HUWE1: variants seen among roughly 807,000 people sequenced by gnomAD.
HUWE1 encodes HECT, UBA and WWE domain containing E3 ubiquitin protein ligase 1, also known as E3 ubiquitin-protein ligase HUWE1.
In HUWE1, 18 loss-of-function variants were observed where a neutral mutation model predicts 299.4. The observed-to-expected ratio is 0.06, with a 90% CI of 0.04 to 0.09. The LOEUF (loss-of-function observed/expected upper bound fraction) is 0.09. Among genes scored for constraint, HUWE1 ranks in the 10% least tolerant of loss-of-function variants. The pLI, the probability that HUWE1 is intolerant of heterozygous loss-of-function variation, is 1.00. For missense variants in HUWE1, 1,832 were observed against 3,462.3 expected, an observed-to-expected ratio of 0.53 and a Z score of 11.82; for synonymous variants, 1,317 against 1,286.1, an observed-to-expected ratio of 1.02 and a Z score of -0.51.
intron 3 of HUWE1, among the ~76,000 whole-genome samples, chrX:53,660,703 C>A (rs1557044953): frequency 1.8e-5 from 2 of 111,818 alleles, no homozygotes; most frequent in Admixed American, 9.5e-5. Context: ...TCCACTAGGG[C>A]AGTCACATAG....
chrX:53,634,315 G>T lies in HUWE1; in HGVS notation c.505-17C>A, dbSNP rs782245748. 5.9e-6 allele frequency: 7 copies of T among 1,180,074 alleles called. No homozygotes were observed. The South Asian group carries it at 1.1e-4, about 18-fold the overall frequency. The stretch of plus-strand genomic sequence containing the variant: ...ACCCCAGCTCTTGAAAAAGGAAAAA[G>T]ATAGTGTTAAGACAGTGCTTATGGT... On this transcript the variant is annotated splice_polypyrimidine_tract_variant and intron_variant, in intron 7 of 83. Transcript: ENST00000262854.
chrX:53,534,244 G>A (rs1556909592), intron 82 of HUWE1, 47 bp from the exon 83 acceptor site: 2 of 1,072,073 alleles, frequency 1.9e-6, no homozygotes, highest in Admixed American at 2.2e-5. Context: ...AAAGCTCCTA[G>A]AAGCAGGGTG....
At chrX:53,574,030 T>C (rs989007239) in intron 46 of HUWE1, 66 bp from the exon 47 acceptor site, 74 of 936,097 alleles carry the variant, frequency 7.9e-5, no homozygotes, top group Non-Finnish European at 1.1e-4. Context: ...AAGTCTTAGG[T>C]GGAAAAGAAT....
At chrX:53,604,099 A>G (rs140078928) in intron 26 of HUWE1, among the ~76,000 whole-genome samples, 5 of 111,878 alleles carry the variant, frequency 4.5e-5, no homozygotes, top group Non-Finnish European at 7.5e-5. Flanking sequence ...TTGATACCAT[A>G]AATCTTTAGA....
At chrX:53,667,250 GAC>G (rs782007087) in intron 3 of HUWE1, among the ~76,000 whole-genome samples, 12 of 112,446 alleles carry the variant, frequency 1.1e-4, no homozygotes, top group East Asian at 5.6e-4. Flanking sequence ...AAGCAAAAGT[GAC>G]ACAGTTAGCC....
intron 47 of HUWE1, among the ~76,000 whole-genome samples, chrX:53,570,250 TAGCTG>T (rs1169834453): frequency 2.7e-5 from 3 of 112,736 alleles, no homozygotes; most frequent in Non-Finnish European, 3.7e-5. Flanking sequence ...GCCTTCCAAG[TAGCTG>T]AGACTACAGG....
chrX:53,546,230 C>T (rs2061535740), intron 70 of HUWE1, among the ~76,000 whole-genome samples: 1 of 111,055 alleles, frequency 9.0e-6, no homozygotes, highest in Admixed American at 9.6e-5. Flanking sequence ...AGGAGACAAA[C>T]CCAGCCTTGC....
At chrX:53,625,303 A>T in intron 17 of HUWE1, 45 bp from the exon 18 acceptor site, 4 of 896,186 alleles carry the variant, frequency 4.5e-6, no homozygotes, top group Non-Finnish European at 6.6e-6. Flanking sequence ...GTTCGCCATT[A>T]AACCACAATG....
intron 60 of HUWE1, chrX:53,556,433 C>T (rs1234073062): frequency 5.7e-5 from 18 of 316,801 alleles, no homozygotes; most frequent in Non-Finnish European, 1.0e-4. Flanking sequence ...GGCATCTACC[C>T]TACTTCACTG....
intron 72 of HUWE1, among the ~76,000 whole-genome samples, chrX:53,544,314 C>T (rs1376029924): frequency 8.9e-6 from 1 of 112,109 alleles, no homozygotes; most frequent in Admixed American, 9.4e-5. Flanking sequence ...CAGCAAAAGG[C>T]TGGCCCCCAA....
Position 53,646,130 on chromosome X carries a change from A to T in HUWE1, c.352-667T>A, listed in dbSNP as rs185607329. Among the ~76,000 whole-genome samples the T allele has an allele frequency of 2.8e-3, 311 of 110,926 alleles. 1 individual carries two copies. The highest frequency in any genetic ancestry group is 6.4e-3 in the Admixed American group (67 of 10,459). On this transcript the variant is annotated intron_variant, in intron 6 of 83. Coordinates refer to ENST00000262854, the MANE Select transcript of HUWE1 (RefSeq NM_031407.7). The stretch of plus-strand genomic sequence containing the variant: ...AAGTGTTACAGTACAGTATATGCTC[A>T]TAAGGAACCTGAGTGACTACTCTGG...
intron 25 of HUWE1, 112 bp from the exon 26 acceptor site, chrX:53,604,946 G>A (rs2065072098): frequency 6.5e-6 from 5 of 772,383 alleles, no homozygotes; most frequent in East Asian, 3.5e-5. Flanking sequence ...TCAGATTTTG[G>A]ATATGGCCAT....
chrX:53,683,275 G>T (rs1380765493), intron 2 of HUWE1, among the ~76,000 whole-genome samples: 1 of 111,109 alleles, frequency 9.0e-6, no homozygotes, highest in Non-Finnish European at 1.9e-5. Flanking sequence ...ATTAGGAGGG[G>T]TGTGGGGAGA....
intron 61 of HUWE1, 38 bp downstream of exon 61, chrX:53,554,595 C>A: frequency 8.4e-7 from 1 of 1,183,750 alleles, no homozygotes. Flanking sequence ...TTTCTTCCCT[C>A]TTGTTTCATC....
chrX:53,545,678 C>T (rs995933767), intron 70 of HUWE1, among the ~76,000 whole-genome samples: 1 of 111,697 alleles, frequency 9.0e-6, no homozygotes, highest in African/African-American at 3.3e-5. Flanking sequence ...AGGTCAGAGG[C>T]CAAATTCTTT....
Position 53,552,848 on chromosome X carries a change from G to A in HUWE1, c.8540C>T (p.Ala2847Val). Residue 2847 changes from alanine (A) to valine (V), a missense_variant, in exon 62 of 84, where the codon GCT (alanine) becomes GTT (valine). Transcript: ENST00000262854. ...ERAEDSDALT[A>V]VSSQLEGSPM... Reference sequence around the variant, plus strand: ...AGAGCCTTCTAGCTGACTGCTGACAGCCGTCAGTGCATCAGAATCCTCAGC... The same window carrying A: ...AGAGCCTTCTAGCTGACTGCTGACAACCGTCAGTGCATCAGAATCCTCAGC... 1 of 1,211,147 alleles carries A rather than the reference G, an allele frequency of 8.3e-7. No homozygotes were observed. Among genetic ancestry groups the A allele is most frequent in the Non-Finnish European group, 1.1e-6 (1 of 894,845 alleles).
intron 30 of HUWE1, among the ~76,000 whole-genome samples, 185 bp from the exon 31 acceptor site, chrX:53,594,806 T>C: frequency 8.9e-6 from 1 of 111,884 alleles, no homozygotes; most frequent in Non-Finnish European, 1.9e-5. Context: ...AAACTTCTGA[T>C]TGCTGACGTG....
chrX:53,549,625 T>G lies in HUWE1; in HGVS notation c.9489-120A>C, dbSNP rs2061681329. The G allele has an allele frequency of 2.8e-5, 17 of 603,290 alleles. No homozygotes were observed. In the South Asian group the frequency reaches 4.1e-4, roughly 15 times the overall value. 49.7% of individuals were successfully genotyped at this position (603,290 alleles called of 1,213,427 possible). ...CAAGGAGGCTTGAGAAAGGTGGGTG[T>G]CCAGTCCAAGGGCTCTTCATAGTAA... On this transcript the variant is annotated intron_variant, in intron 66 of 83. Transcript: ENST00000262854.
In HUWE1 at chrX:53,589,657, G is replaced by A; in HGVS notation, c.4351C>T (p.Leu1451Phe). The change falls in exon 36 of 84, where the codon CTT becomes TTT. Residue 1451 changes from leucine to phenylalanine, a missense_variant. By Grantham distance (22) the Leu-to-Phe change is conservative. Transcript: ENST00000262854. ...TATACTGTGTCTGGCAGCTCATCAAGAAGGTGGAAGCAGCCTGGCAACATA... is the reference window on the plus strand; with the variant it reads ...TATACTGTGTCTGGCAGCTCATCAAAAAGGTGGAAGCAGCCTGGCAACATA... ...DTMLPGCFHLLDELPDTVYRV... is the reference protein window; with the variant it reads ...DTMLPGCFHLFDELPDTVYRV... The A allele has an allele frequency of 2.5e-6, 3 of 1,211,693 alleles. No individual in the cohort carries two copies. Among genetic ancestry groups the A allele is most frequent in the Non-Finnish European group, 3.4e-6 (3 of 895,386 alleles).
Sources: allele counts gnomAD v4.1 joint callset (sites outside exome capture counted in the v4.1 genomes callset), GRCh38; gene constraint gnomAD v4.1.1; transcripts MANE v1.5; gene names NCBI Gene and HGNC (gene_info 2026-07-23, HGNC 2026-07-21).